The following ZPBP variants were observed in gnomAD, a reference collection of about 807,000 sequenced individuals.
ZPBP encodes zona pellucida binding protein.
In ZPBP, 26 loss-of-function variants were observed where a neutral mutation model predicts 44.8. The ratio of observed to expected loss-of-function variants is 0.58; its 90% confidence interval spans 0.43 to 0.81. The LOEUF is 0.81. ZPBP is among the 30% of genes least tolerant of loss of function. The pLI is 0.00. For synonymous variants in ZPBP, 174 were observed against 153.2 expected (o/e 1.14, Z -1.00); for missense variants, 409 against 434.0 (o/e 0.94, Z 0.51).
intron 1 of ZPBP, chr7:49,917,931 G>A (rs1439178394): frequency 6.6e-6 from 1 of 151,806 alleles, no homozygotes; most frequent in Admixed American, 6.6e-5. Context: ...AGTTTTCAGG[G>A]TTTATTCTTT....
At chr7:50,083,201 C>T (rs1048624771) in intron 2 of ZPBP, among the ~76,000 whole-genome samples, 11 of 151,772 alleles carry the variant, frequency 7.2e-5, no homozygotes, top group Admixed American at 7.2e-4. Flanking sequence ...AAGAGTTTCC[C>T]AATGCAAGAT....
chr7:49,849,923 T>A (rs1174646053), downstream of ZPBP, among the ~76,000 whole-genome samples: 1 of 151,936 alleles, frequency 6.6e-6, no homozygotes. Flanking sequence ...TACAAAAAAA[T>A]TCAGTGCAAT....
intron 4 of ZPBP, among the ~76,000 whole-genome samples, chr7:50,034,757 A>T (rs1054007011): frequency 1.3e-5 from 2 of 152,204 alleles, no homozygotes; most frequent in African/African-American, 4.8e-5. Flanking sequence ...TATGGAATCC[A>T]AATTTGTTCC....
At chr7:49,873,865 A>G (rs1160620319) in intron 2 of ZPBP, among the ~76,000 whole-genome samples, 1 of 151,702 alleles carries the variant, frequency 6.6e-6, no homozygotes, top group Non-Finnish European at 1.5e-5. Flanking sequence ...CAGCATTTAT[A>G]TTTATGCCAA....
intron 2 of ZPBP, among the ~76,000 whole-genome samples, chr7:49,857,074 T>G (rs1158739524): frequency 6.6e-6 from 1 of 150,776 alleles, no homozygotes; most frequent in Non-Finnish European, 1.5e-5. Flanking sequence ...CTTAACAAAT[T>G]TTTAGGTGCA....
intron 7 of ZPBP, among the ~76,000 whole-genome samples, chr7:49,972,367 T>C (rs1796335090): frequency 6.6e-6 from 1 of 152,032 alleles, no homozygotes; most frequent in Admixed American, 6.6e-5. Context: ...CAAAATCTTT[T>C]ATATCTAATA....
At position 49,983,421 on chromosome 7, in the gene ZPBP, G is replaced by C; in HGVS notation, c.882C>G (p.Leu294=). The C allele has an allele frequency of 6.2e-7, 1 of 1,613,076 alleles. No homozygotes were observed. The highest frequency in any genetic ancestry group is 2.2e-5 in the East Asian group (1 of 44,754). ...AGCAGCGATTAATCCAAACCATTTG[G>C]AGAGTACCTTCAATATAGTATATTT... is the stretch of plus-strand genomic sequence containing the variant. The part of the protein sequence containing the change: ...LPQIYYIEGT[L]QMVWINRCFP... The change falls in exon 7 of 8, where the codon CTC becomes CTG. Residue 294 remains leucine (L), a synonymous_variant. Transcript: ENST00000046087.
chr7:49,923,456 C>T (rs1794107828), intron 1 of ZPBP, among the ~76,000 whole-genome samples: 1 of 152,198 alleles, frequency 6.6e-6, no homozygotes, highest in Non-Finnish European at 1.5e-5. Context: ...GAATTCCATA[C>T]ATATAATTAA....
intron 6 of ZPBP, among the ~76,000 whole-genome samples, chr7:50,017,875 A>G (rs187510518): frequency 1.1e-3 from 164 of 152,228 alleles, no homozygotes; most frequent in African/African-American, 3.8e-3. Context: ...GAGCAAAGCA[A>G]TATGAAAATA....
chr7:49,978,572 G>T (rs1264896275), intron 7 of ZPBP, among the ~76,000 whole-genome samples: 2 of 151,922 alleles, frequency 1.3e-5, no homozygotes, highest in Non-Finnish European at 2.9e-5. Context: ...AAAATGCTTT[G>T]TCTCAATCTT....
intron 4 of ZPBP, among the ~76,000 whole-genome samples, chr7:50,055,453 TG>T (rs1172601067): frequency 1.3e-5 from 2 of 152,126 alleles, no homozygotes; most frequent in African/African-American, 4.8e-5. Flanking sequence ...ATAACAGTGG[TG>T]TACATAGTAG....
chr7:50,023,444 C>T (rs575904061), intron 5 of ZPBP, among the ~76,000 whole-genome samples: 50 of 151,434 alleles, frequency 3.3e-4, no homozygotes, highest in African/African-American at 8.7e-4. Flanking sequence ...AATAACAAGA[C>T]GATAAAAAAA....
chr7:49,934,738 ATTTACTTCTGT>A (rs1794566148), downstream of ZPBP, among the ~76,000 whole-genome samples: 1 of 152,094 alleles, frequency 6.6e-6, no homozygotes, highest in Admixed American at 6.5e-5. Flanking sequence ...TTTATTTCTG[ATTTACTTCTGT>A]AGTAAAATTT....
At chr7:50,010,133 T>C (rs541425038) in intron 6 of ZPBP, among the ~76,000 whole-genome samples, 15 of 152,128 alleles carry the variant, frequency 9.9e-5, no homozygotes, top group Non-Finnish European at 1.9e-4. Context: ...TCTACAAGCT[T>C]ATTCAAAATG....
chr7:50,045,807 A>T (rs970001150), intron 4 of ZPBP, among the ~76,000 whole-genome samples: 28 of 152,344 alleles, frequency 1.8e-4, no homozygotes, highest in Middle Eastern at 6.8e-3. Flanking sequence ...TTTAAATTTC[A>T]TATGGAACCA....
chr7:50,069,732 C>G (rs1432526548), intron 3 of ZPBP, among the ~76,000 whole-genome samples: 1 of 151,996 alleles, frequency 6.6e-6, no homozygotes, highest in Non-Finnish European at 1.5e-5. Flanking sequence ...TTGCAACGCA[C>G]TTTCACTCTC....
intron 5 of ZPBP, among the ~76,000 whole-genome samples, chr7:50,028,581 A>G (rs932709293): frequency 7.2e-5 from 11 of 151,758 alleles, no homozygotes; most frequent in Admixed American, 1.3e-4. Flanking sequence ...TATAAAAACT[A>G]CTAAAGATTT....
chr7:49,882,762 A>G (rs1189818447), intron 2 of ZPBP, among the ~76,000 whole-genome samples: 1 of 152,210 alleles, frequency 6.6e-6, no homozygotes, highest in Non-Finnish European at 1.5e-5. Flanking sequence ...AATTGTATTT[A>G]AAAGAATCTG....
rs141181832 is a variant in ZPBP at position 50,070,112 on chromosome 7, TC to T, written c.334+11661del. 5.3e-3 allele frequency among the ~76,000 whole-genome samples: 803 copies of T among 152,182 alleles called. 3 individuals carry two copies. The highest frequency in any genetic ancestry group is 0.01 in the Middle Eastern group (3 of 294). ...ACACACAACACTCCTACCCCAGGAC[TC>T]CTCATCAGACTAAACGAGTGTCTCT... On this transcript the variant is annotated intron_variant, in intron 3 of 7. Coordinates refer to ENST00000046087, the MANE Select transcript of ZPBP (RefSeq NM_007009.3).
Sources: gnomAD v4.1 joint callset for allele counts (sites outside exome capture counted in the v4.1 genomes callset) on GRCh38, gnomAD v4.1.1 for gene constraint, MANE v1.5 for transcripts, NCBI Gene and HGNC (gene_info 2026-07-23, HGNC 2026-07-21) for gene names.